The following DEPDC5 variants were observed in gnomAD, a reference collection of about 807,000 sequenced individuals.
DEPDC5 encodes DEP domain containing 5, GATOR1 subcomplex subunit.
In DEPDC5, 73 loss-of-function variants were observed where a neutral mutation model predicts 217.3. The observed-to-expected ratio is 0.34, with a 90% CI of 0.28 to 0.41. DEPDC5 has a LOEUF of 0.41. DEPDC5 is among the 10% of genes least tolerant of loss of function. The probability of loss-of-function intolerance (pLI) is 1.00; values close to 1 mark genes in which losing one functional copy is unlikely to be tolerated. For synonymous variants in DEPDC5, 733 were observed against 756.7 expected, an observed-to-expected ratio of 0.97 and a Z score of 0.51; for missense variants, 1,675 against 2,070.1, an observed-to-expected ratio of 0.81 and a Z score of 3.70.
chr22:31,855,404 T>C (rs1219509383), intron 31 of DEPDC5, among the ~76,000 whole-genome samples: 1 of 148,420 alleles, frequency 6.7e-6, no homozygotes, highest in Admixed American at 6.8e-5. Context: ...TGCGACGGAG[T>C]CTCGCTCTGT....
intron 2 of DEPDC5, 28 bp from the exon 3 acceptor site, chr22:31,758,518 T>A: frequency 6.2e-7 from 1 of 1,606,352 alleles, no homozygotes. Flanking sequence ...AGTGTTTTTC[T>A]ACTTGAAGTG....
chr22:31,809,531 C>G, intron 18 of DEPDC5, 80 bp from the exon 19 acceptor site: 2 of 1,462,800 alleles, frequency 1.4e-6, no homozygotes, highest in Non-Finnish European at 1.9e-6. Flanking sequence ...TCCCTGGGAG[C>G]AGCACATATA....
chr22:31,881,995 G>T (rs1328186633), intron 38 of DEPDC5, among the ~76,000 whole-genome samples: 1 of 151,678 alleles, frequency 6.6e-6, no homozygotes, highest in Non-Finnish European at 1.5e-5. Context: ...CAAAGAAAAG[G>T]GCAGGTACCT....
At chr22:31,904,456 A>G (rs781197876) in intron 41 of DEPDC5, among the ~76,000 whole-genome samples, 1 of 152,224 alleles carries the variant, frequency 6.6e-6, no homozygotes, top group Non-Finnish European at 1.5e-5. Context: ...AGTAGAGAGA[A>G]AGCAGGCTGG....
chr22:31,799,228 A>T (rs993973480), intron 14 of DEPDC5, among the ~76,000 whole-genome samples: 1 of 151,238 alleles, frequency 6.6e-6, no homozygotes, highest in African/African-American at 2.4e-5. Flanking sequence ...TATTTTTAGG[A>T]GACACGGGGT....
intron 33 of DEPDC5, among the ~76,000 whole-genome samples, chr22:31,868,222 A>G (rs1185630424): frequency 2.0e-5 from 3 of 152,216 alleles, no homozygotes; most frequent in South Asian, 2.1e-4. Context: ...TTACCCCCCA[A>G]GGGACATTTG....
intron 24 of DEPDC5, among the ~76,000 whole-genome samples, chr22:31,830,557 A>T (rs950956170): frequency 6.6e-6 from 1 of 152,132 alleles, no homozygotes; most frequent in African/African-American, 2.4e-5. Context: ...GGAAGTCCTT[A>T]AAATATTTGC....
intron 24 of DEPDC5, chr22:31,823,153 A>G (rs531666611): frequency 4.3e-6 from 1 of 230,706 alleles, no homozygotes; most frequent in African/African-American, 2.2e-5. Flanking sequence ...CACCTCCATA[A>G]CAGGAGAGAC....
At chr22:31,817,933 CTCT>C (rs2089314263) in intron 21 of DEPDC5, among the ~76,000 whole-genome samples, 2 of 152,142 alleles carry the variant, frequency 1.3e-5, no homozygotes, top group African/African-American at 2.4e-5. Flanking sequence ...TCTGAACATT[CTCT>C]TCTTTCCTGC....
chr22:31,802,937 T>TCTTCTTAGAGAGTGAGGAC (rs2087039139), intron 15 of DEPDC5, 99 bp downstream of exon 15: 10 of 1,391,996 alleles, frequency 7.2e-6, no homozygotes, highest in Non-Finnish European at 9.4e-6. Context: ...TGAGGAGCTC[T>TCTTCTTAGAGAGTGAGGAC]ACATAGTGTT....
chr22:31,901,652 C>T, intron 40 of DEPDC5, 90 bp from the exon 41 acceptor site: 1 of 1,164,510 alleles, frequency 8.6e-7, no homozygotes, highest in Non-Finnish European at 1.2e-6. Flanking sequence ...GACTGATTGC[C>T]AAGAGTAGTA....
intron 20 of DEPDC5, 74 bp from the exon 21 acceptor site, chr22:31,814,918 A>G (rs1602096841): frequency 1.3e-6 from 2 of 1,550,320 alleles, no homozygotes; most frequent in Non-Finnish European, 8.9e-7. Flanking sequence ...TGGGCTGGTG[A>G]TGGGTTTTAG....
In DEPDC5 at chr22:31,780,711, A is replaced by G. The variant is rs1279918309; in HGVS notation, c.483+2543A>G. ...GGTCCACCAGGCTGGAAGTACCTCC[A>G]TGGCACCCTGGATCTGTGCACTCAT... On this transcript the variant is annotated intron_variant, in intron 8 of 42. Transcript: ENST00000651528. Among the ~76,000 whole-genome samples the G allele has an allele frequency of 3.3e-5, 5 of 152,174 alleles. No individual in the cohort carries two copies. In the East Asian group the frequency reaches 9.6e-4, roughly 29 times the overall value.
At chr22:31,804,132 C>T (rs376110763) in intron 15 of DEPDC5, 30 bp from the exon 16 acceptor site, 93 of 1,611,822 alleles carry the variant, frequency 5.8e-5, no homozygotes, top group Non-Finnish European at 7.6e-5. Flanking sequence ...ATTCCCTCCC[C>T]ACAATTCTTT....
chr22:31,876,024 A>T (rs905502838), intron 36 of DEPDC5, 133 bp from the exon 37 acceptor site: 1 of 659,816 alleles, frequency 1.5e-6, no homozygotes, highest in Non-Finnish European at 2.7e-6. Context: ...CAAGTACAAC[A>T]TGTCTAATCT....
intron 8 of DEPDC5, among the ~76,000 whole-genome samples, chr22:31,782,165 TCTCA>T (rs1338980568): frequency 6.7e-6 from 1 of 148,974 alleles, no homozygotes; most frequent in Non-Finnish European, 1.5e-5. Context: ...TGAGGTGGAG[TCTCA>T]CTCTGTTGCC....
Position 31,819,038 on chromosome 22 carries a change from G to C in DEPDC5, c.1683G>C (p.Met561Ile), listed in dbSNP as rs1439252664. 1 of 1,614,052 alleles carries C rather than the reference G, an allele frequency of 6.2e-7. No individual in the cohort carries two copies. The highest frequency in any genetic ancestry group is 1.3e-5 in the African/African-American group (1 of 74,916). The change falls in exon 22 of 43, where the codon ATG becomes ATC. Residue 561 changes from methionine to isoleucine, a missense_variant. This residue lies in a region of DEPDC5 where 628 missense variants were observed against 762.1 expected (regional missense o/e 0.82). Transcript: ENST00000651528. ...AACTGGCAGATGTCCTGGAGAACAT[G>C]ATGGAGCCACCACAGCGAGACTCCA... Reference protein sequence around the residue: ...YTSTRDVLENMMEPPQRDSSA... With the variant: ...YTSTRDVLENIMEPPQRDSSA...
intron 41 of DEPDC5, among the ~76,000 whole-genome samples, chr22:31,903,848 C>G (rs1165154007): frequency 2.0e-5 from 3 of 151,484 alleles, no homozygotes; most frequent in South Asian, 2.1e-4. Context: ...TGAATGTATT[C>G]CAGTGACTTG....
rs762136041 is a variant in DEPDC5 at position 31,906,448 on chromosome 22, T to C, written c.4763T>C (p.Val1588Ala). ...DFCINRDNRL[V>A]TFWTSCLEKM... ...TGCATCAACCGTGACAACCGGCTGG[T>C]CACGTTCTGGACAAGTTGCCTGGAG... is the stretch of plus-strand genomic sequence containing the variant. Residue 1588 changes from valine (V) to alanine (A), a missense_variant, in exon 43 of 43, where the codon GTC becomes GCC. Transcript: ENST00000651528. This position sits in a 1 kb window ranked among gnomAD's most constrained non-coding sequence, Gnocchi z 5.1. The C allele has an allele frequency of 8.1e-6, 13 of 1,613,886 alleles. No individual in the cohort carries two copies. The South Asian group carries it at 8.8e-5, about 11-fold the overall frequency.
Sources: gnomAD v4.1 joint callset for allele counts (sites outside exome capture counted in the v4.1 genomes callset) on GRCh38, gnomAD v4.1.1 for gene constraint, gnomAD v4.1.1 regional missense constraint, Gnocchi (gnomAD v3.1) non-coding constraint, MANE v1.5 for transcripts, NCBI Gene and HGNC (gene_info 2026-07-23, HGNC 2026-07-21) for gene names.